Variants in FSHR observed in about 807,000 individuals in gnomAD.
FSHR encodes follicle-stimulating hormone receptor.
Under a neutral mutation model 52.1 loss-of-function variants are expected in FSHR, and 46 were observed. That is an observed-to-expected ratio of 0.88 (90% CI 0.70 to 1.13). The LOEUF is 1.13. Among genes scored for constraint, FSHR ranks in the 50% most tolerant of loss-of-function variants. The probability of loss-of-function intolerance (pLI) is 0.00; values close to 1 mark genes in which losing one functional copy is unlikely to be tolerated. For missense variants in FSHR, 964 were observed against 834.6 expected (o/e 1.16, Z -1.91); for synonymous variants, 399 against 309.6 (o/e 1.29, Z -3.03).
At chr2:48,968,578 AG>A in intron 9 of FSHR, 119 bp downstream of exon 9, 9 of 1,187,614 alleles carry the variant, frequency 7.6e-6, no homozygotes, top group Non-Finnish European at 1.1e-5. Flanking sequence ...AATGTGCCAA[AG>A]GGCTTGAGAC....
intron 1 of FSHR, among the ~76,000 whole-genome samples, chr2:49,102,449 T>C (rs960976557): frequency 1.3e-5 from 2 of 152,122 alleles, no homozygotes; most frequent in Non-Finnish European, 2.9e-5. Context: ...GGGTTGGAGT[T>C]CAGCCAGGAG....
intron 1 of FSHR, among the ~76,000 whole-genome samples, chr2:49,071,465 C>T (rs192023398): frequency 6.6e-6 from 1 of 152,002 alleles, no homozygotes; most frequent in Non-Finnish European, 1.5e-5. Context: ...AAAATTACTT[C>T]TGAACAAATT....
intron 1 of FSHR, among the ~76,000 whole-genome samples, chr2:49,133,673 A>G (rs75673607): frequency 0.16 from 25,100 of 152,200 alleles, 2,047 homozygotes; most frequent in Middle Eastern, 0.26. Context: ...AAACTATACT[A>G]TAAGGCTACA....
At chr2:48,979,418 G>A (rs1675139489) in intron 8 of FSHR, among the ~76,000 whole-genome samples, 1 of 151,796 alleles carries the variant, frequency 6.6e-6, no homozygotes, top group African/African-American at 2.4e-5. Context: ...TCCAGCATGG[G>A]TGATTAAAAA....
chr2:49,087,069 G>GGTTTTT (rs1670422397), intron 1 of FSHR, among the ~76,000 whole-genome samples: 2 of 66,454 alleles, frequency 3.0e-5, no homozygotes, highest in Admixed American at 1.5e-4. Context: ...CTGTGGGCAG[G>GGTTTTT]GTTTTTTTTT....
chr2:48,986,558 A>G (rs1675525595), intron 6 of FSHR, among the ~76,000 whole-genome samples: 1 of 152,208 alleles, frequency 6.6e-6, no homozygotes, highest in African/African-American at 2.4e-5. Context: ...AATAAGAACA[A>G]TAGAAATTGT....
intron 2 of FSHR, among the ~76,000 whole-genome samples, chr2:49,044,701 C>A (rs1204491809): frequency 2.0e-5 from 3 of 152,128 alleles, no homozygotes; most frequent in East Asian, 1.9e-4. Flanking sequence ...CCTCCCCCAA[C>A]CTGCTTCACT....
chr2:49,151,410 G>A (rs548870694), intron 1 of FSHR, among the ~76,000 whole-genome samples: 7 of 152,126 alleles, frequency 4.6e-5, no homozygotes, highest in East Asian at 1.9e-4. Flanking sequence ...CAAATAGTAG[G>A]AGCCCCTTAG....
chr2:49,147,205 A>T (rs1672901927), intron 1 of FSHR, among the ~76,000 whole-genome samples: 1 of 152,056 alleles, frequency 6.6e-6, no homozygotes, highest in Non-Finnish European at 1.5e-5. Flanking sequence ...TTAAGAACAA[A>T]CATCCATATC....
At chr2:48,997,360 C>G in intron 4 of FSHR, 1 of 985,114 alleles carries the variant, frequency 1.0e-6, no homozygotes, top group Non-Finnish European at 1.2e-6. Context: ...CCTTAGTAAT[C>G]AGGGGAAATT....
chr2:49,001,960 C>G (rs540951605), intron 4 of FSHR, among the ~76,000 whole-genome samples: 1 of 152,108 alleles, frequency 6.6e-6, no homozygotes, highest in African/African-American at 2.4e-5. Context: ...CTTGGGTGAA[C>G]AGAATGCTTA....
intron 1 of FSHR, among the ~76,000 whole-genome samples, chr2:49,151,081 G>A (rs536108013): frequency 2.7e-5 from 4 of 150,232 alleles, no homozygotes; most frequent in African/African-American, 9.8e-5. Flanking sequence ...GAAGTGAGTA[G>A]TTGCAAGAAG....
intron 1 of FSHR, among the ~76,000 whole-genome samples, chr2:49,081,100 C>T (rs559635612): frequency 2.0e-5 from 3 of 152,112 alleles, no homozygotes; most frequent in Non-Finnish European, 4.4e-5. Context: ...TGTGTTCCTC[C>T]TCCTGCCCCA....
At chr2:49,067,278 A>G (rs769099052) in intron 2 of FSHR, among the ~76,000 whole-genome samples, 10 of 152,122 alleles carry the variant, frequency 6.6e-5, no homozygotes, top group Non-Finnish European at 1.3e-4. Context: ...GACATCTTCT[A>G]TACTTTGTGA....
At chr2:49,100,296 C>A (rs1320124401) in intron 1 of FSHR, among the ~76,000 whole-genome samples, 2 of 152,094 alleles carry the variant, frequency 1.3e-5, no homozygotes, top group African/African-American at 4.8e-5. Flanking sequence ...TAAGTGTGAA[C>A]TGGTACCAAA....
rs555926369 is a variant in FSHR, at chr2:49,087,849, C to T, written c.153-19559G>A. ...TCTTAGGAAAAAAACAGTGATAAGA[C>T]AGACACATTTCCTTCTCTACCAATT... On this transcript the variant is annotated intron_variant, in intron 1 of 9. Coordinates refer to ENST00000406846, the MANE Select transcript of FSHR (RefSeq NM_000145.4). Among the ~76,000 whole-genome samples the T allele has an allele frequency of 4.1e-4, 63 of 152,302 alleles. No homozygotes were observed. In the South Asian group the frequency reaches 0.011, roughly 28 times the overall value.
At chr2:49,105,747 C>G (rs1177649513) in intron 1 of FSHR, among the ~76,000 whole-genome samples, 1 of 152,108 alleles carries the variant, frequency 6.6e-6, no homozygotes, top group Admixed American at 6.6e-5. Flanking sequence ...CAAGCTGCCC[C>G]ACTCAAGGCC....
chr2:49,091,010 G>A (rs1670586487), intron 1 of FSHR, among the ~76,000 whole-genome samples: 1 of 150,878 alleles, frequency 6.6e-6, no homozygotes, highest in East Asian at 1.9e-4. Context: ...ATACTAGATA[G>A]AAGTCCTTTT....
At chr2:49,147,502 G>A (rs1418424165) in intron 1 of FSHR, among the ~76,000 whole-genome samples, 1 of 152,102 alleles carries the variant, frequency 6.6e-6, no homozygotes, top group Non-Finnish European at 1.5e-5. Context: ...AGGAAGGATA[G>A]CATGCACCTT....
Sources: allele counts gnomAD v4.1 joint callset (sites outside exome capture counted in the v4.1 genomes callset), GRCh38; gene constraint gnomAD v4.1.1; transcripts MANE v1.5; gene names NCBI Gene and HGNC (gene_info 2026-07-23, HGNC 2026-07-21).